SH2B3: variants seen among roughly 807,000 people sequenced by gnomAD.
SH2B3 encodes SH2B adaptor protein 3, also known as SH2B adapter protein 3.
SH2B3 carries 43 observed loss-of-function variants against 51.9 expected under a neutral mutation model. The observed-to-expected ratio is 0.83, with a 90% CI of 0.65 to 1.07. The LOEUF (loss-of-function observed/expected upper bound fraction) is 1.07. Ranked by LOEUF, SH2B3 falls within the 50% of genes least tolerant of loss-of-function variation. The pLI is 0.00. For missense variants in SH2B3, 952 were observed against 834.3 expected (o/e 1.14, Z -1.74); for synonymous variants, 396 against 376.0 (o/e 1.05, Z -0.62).
chr12:111,412,926 G>T (rs1055241025), intron 1 of SH2B3, among the ~76,000 whole-genome samples: 1 of 152,114 alleles, frequency 6.6e-6, no homozygotes, highest in African/African-American at 2.4e-5. Flanking sequence ...TCATTGGTGG[G>T]TTTGGGACCT....
chr12:111,440,895 C>G (rs536034719), intron 2 of SH2B3, among the ~76,000 whole-genome samples: 14 of 152,220 alleles, frequency 9.2e-5, no homozygotes, highest in Non-Finnish European at 1.9e-4. Context: ...GTGCTCCTCC[C>G]TGCCTTACCA....
rs1210105440 is a variant in SH2B3 at position 111,448,282 on chromosome 12, A to T, written c.1708A>T (p.Asn570Tyr). ...CCGGAGCCACCTGCGGGCCATAGAC[A>T]ATCAGTACACACCTCTCTGACCAGT... ...SSRSHLRAID[N>Y]QYTPL The change falls in exon 8 of 8, where the codon AAT (asparagine) becomes TAT (tyrosine). Residue 570 changes from asparagine to tyrosine, a missense_variant. By Grantham distance (143) the Asn-to-Tyr change is moderately radical. Transcript: ENST00000341259. 2.5e-6 allele frequency: 4 copies of T among 1,613,068 alleles called. No individual in the cohort carries two copies. The highest frequency in any genetic ancestry group is 3.4e-6 in the Non-Finnish European group (4 of 1,179,330).
At chr12:111,412,355 C>T (rs1463363639) in intron 1 of SH2B3, among the ~76,000 whole-genome samples, 3 of 152,206 alleles carry the variant, frequency 2.0e-5, no homozygotes, top group African/African-American at 7.2e-5. Flanking sequence ...TGGCAACTTC[C>T]TGCCCGGAGC....
At chr12:111,416,226 G>GCCA (rs1188354285) in intron 1 of SH2B3, among the ~76,000 whole-genome samples, 1 of 152,212 alleles carries the variant, frequency 6.6e-6, no homozygotes, top group Non-Finnish European at 1.5e-5. Flanking sequence ...ACAGGCGTGA[G>GCCA]CCACCGTGCC....
At chr12:111,443,020 C>T (rs547033882) in intron 2 of SH2B3, among the ~76,000 whole-genome samples, 1 of 152,252 alleles carries the variant, frequency 6.6e-6, no homozygotes, top group African/African-American at 2.4e-5. Flanking sequence ...CATCCTGGCC[C>T]TATAAATGTT....
intron 2 of SH2B3, among the ~76,000 whole-genome samples, chr12:111,443,261 C>A (rs1233203083): frequency 1.3e-5 from 2 of 152,216 alleles, no homozygotes; most frequent in Non-Finnish European, 2.9e-5. Context: ...GGTGTTTCAT[C>A]TTCACTTCTC....
intron 2 of SH2B3, among the ~76,000 whole-genome samples, chr12:111,428,727 C>G (rs193004344): frequency 3.9e-5 from 6 of 152,242 alleles, no homozygotes; most frequent in Admixed American, 3.9e-4. Context: ...GCAGGGGAGG[C>G]AGAGGCACAG....
rs1164000760 is a variant in SH2B3 at position 111,450,050 on chromosome 12, A to G, written c.*1748A>G. 1 of 152,054 alleles carries G rather than the reference A, an allele frequency of 6.6e-6. No homozygotes were observed. The highest frequency in any genetic ancestry group is 1.5e-5 in the Non-Finnish European group (1 of 68,024). The allele number at this position is 152,054 out of a possible 1,614,324, so 9.4% of individuals were successfully genotyped here. A position where few individuals can be genotyped will look rare whatever the true frequency, so the allele number is the denominator to read the frequency against. ...CAAGCGATTCTGCCTCGACCTCTCAAGTAGCTGGGATTACAAGCACCAGCC... is the reference window on the plus strand; with the variant it reads ...CAAGCGATTCTGCCTCGACCTCTCAGGTAGCTGGGATTACAAGCACCAGCC... On this transcript the variant is annotated 3_prime_UTR_variant, in exon 8 of 8. Transcript: ENST00000341259.
At chr12:111,421,786 T>TC (rs1593042760) in intron 2 of SH2B3, among the ~76,000 whole-genome samples, 1 of 152,300 alleles carries the variant, frequency 6.6e-6, no homozygotes, top group East Asian at 1.9e-4. Context: ...AACTGGTTTA[T>TC]CCCATCCTCT....
At position 111,448,325 on chromosome 12, in the gene SH2B3, A is replaced by G. The variant is rs756052069; in HGVS notation, c.*23A>G. The G allele has an allele frequency of 6.5e-7, 1 of 1,545,214 alleles. No individual in the cohort carries two copies. Among genetic ancestry groups the G allele is most frequent in the Non-Finnish European group, 8.9e-7 (1 of 1,126,288 alleles). On this transcript the variant is annotated 3_prime_UTR_variant, in exon 8 of 8. Transcript: ENST00000341259. Reference sequence around the variant, plus strand: ...TGACCAGTGAGGAATTCCAGGCCTCAACAGCTGCCCTTGAGGAGCACAGGC... The same window carrying G: ...TGACCAGTGAGGAATTCCAGGCCTCGACAGCTGCCCTTGAGGAGCACAGGC...
At chr12:111,441,988 G>A (rs1220579699) in intron 2 of SH2B3, among the ~76,000 whole-genome samples, 1 of 152,036 alleles carries the variant, frequency 6.6e-6, no homozygotes. Context: ...CTAGAGTACA[G>A]TGGTGTGATC....
At chr12:111,439,067 G>A (rs1873158971) in intron 2 of SH2B3, among the ~76,000 whole-genome samples, 1 of 152,162 alleles carries the variant, frequency 6.6e-6, no homozygotes, top group African/African-American at 2.4e-5. Flanking sequence ...CTGCCTCCCG[G>A]GTTCAAGTGA....
At chr12:111,445,005 C>A (rs1873791126) in intron 2 of SH2B3, 3 of 376,546 alleles carry the variant, frequency 8.0e-6, no homozygotes, top group Admixed American at 6.4e-5. Flanking sequence ...GGCAGCCAGG[C>A]TGGCTGTGGG....
In SH2B3 at chr12:111,447,640, T is replaced by G; in HGVS notation, c.1237-16T>G. The G allele has an allele frequency of 6.2e-7, 1 of 1,609,020 alleles. No homozygotes were observed. Among genetic ancestry groups the G allele is most frequent in the Non-Finnish European group, 8.5e-7 (1 of 1,176,452 alleles). On this transcript the variant is annotated splice_polypyrimidine_tract_variant and intron_variant, in intron 6 of 7. Transcript: ENST00000341259. Reference sequence around the variant, plus strand: ...CTAGAGGGACAGCCCGAGCCCACCATCCTCTCCTCCCACAGCACCTGCGCC... The same window carrying G: ...CTAGAGGGACAGCCCGAGCCCACCAGCCTCTCCTCCCACAGCACCTGCGCC...
chr12:111,419,523 G>A (rs1254536842), intron 2 of SH2B3, among the ~76,000 whole-genome samples: 4 of 151,890 alleles, frequency 2.6e-5, no homozygotes, highest in East Asian at 1.9e-4. Flanking sequence ...CTGTAATCCC[G>A]GCTACTTGGG....
intron 2 of SH2B3, among the ~76,000 whole-genome samples, chr12:111,439,413 G>T (rs781056088): frequency 4.6e-5 from 7 of 152,144 alleles, no homozygotes; most frequent in Non-Finnish European, 8.8e-5. Flanking sequence ...GCCTCCCAAC[G>T]TGCTGGGATT....
chr12:111,436,742 T>C lies in SH2B3; in HGVS notation c.733-10011T>C, dbSNP rs370660394. Among the ~76,000 whole-genome samples, 289 of 152,148 alleles carry C rather than the reference T, an allele frequency of 1.9e-3. 2 individuals carry two copies. The highest frequency in any genetic ancestry group is 6.8e-3 in the African/African-American group (283 of 41,492). The stretch of plus-strand genomic sequence containing the variant: ...CATCATGATTCTGTCTTGGGGGTGG[T>C]TGCTGTCTCTCTGAGAGGGGGCTTT... On this transcript the variant is annotated intron_variant, in intron 2 of 7. Coordinates refer to ENST00000341259, the MANE Select transcript of SH2B3 (RefSeq NM_005475.3).
intron 2 of SH2B3, chr12:111,444,996 G>A: frequency 2.2e-6 from 1 of 452,528 alleles, no homozygotes; most frequent in Non-Finnish European, 2.9e-6. Flanking sequence ...CAGGCAGGTG[G>A]CAGCCAGGCT....
chr12:111,424,068 T>G (rs1593045776), intron 2 of SH2B3, among the ~76,000 whole-genome samples: 2 of 152,268 alleles, frequency 1.3e-5, no homozygotes, highest in East Asian at 3.9e-4. Flanking sequence ...GCTGAGATCG[T>G]GCTACTGCAC....
Sources: gnomAD v4.1 joint callset for allele counts (sites outside exome capture counted in the v4.1 genomes callset) on GRCh38, gnomAD v4.1.1 for gene constraint, MANE v1.5 for transcripts, NCBI Gene and HGNC (gene_info 2026-07-23, HGNC 2026-07-21) for gene names.